RAP1A: variants seen among roughly 807,000 people sequenced by gnomAD.
The protein encoded by RAP1A is ras-related protein Rap-1A.
RAP1A carries 6 observed loss-of-function variants against 26.4 expected under a neutral mutation model. That is an observed-to-expected ratio of 0.23 (90% CI 0.12 to 0.45). The LOEUF (loss-of-function observed/expected upper bound fraction) is 0.45, where lower values mean the gene tolerates loss of function less well. RAP1A is among the 20% of genes least tolerant of loss of function. RAP1A has a pLI of 0.99. For synonymous variants in RAP1A, 73 were observed against 79.4 expected, an observed-to-expected ratio of 0.92 and a Z score of 0.43; for missense variants, 121 against 217.2, an observed-to-expected ratio of 0.56 and a Z score of 2.78.
intron 1 of RAP1A, 117 bp from the exon 2 acceptor site, chr1:111,691,217 C>A: frequency 1.9e-6 from 1 of 526,028 alleles, no homozygotes; most frequent in Non-Finnish European, 3.2e-6. Context: ...TTCTGTTGTC[C>A]CTTTGATAGT....
At chr1:111,566,960 TGCAAATGAGGG>T (rs1315195201) in intron 1 of RAP1A, among the ~76,000 whole-genome samples, 2 of 151,810 alleles carry the variant, frequency 1.3e-5, no homozygotes, top group African/African-American at 4.8e-5. Flanking sequence ...TAGGTTCTCA[TGCAAATGAGGG>T]GCCCTGACAC....
intron 1 of RAP1A, among the ~76,000 whole-genome samples, chr1:111,567,628 G>A (rs1284474363): frequency 6.6e-6 from 1 of 152,348 alleles, no homozygotes; most frequent in African/African-American, 2.4e-5. Flanking sequence ...GTAGGACCCT[G>A]AGCTGATAGT....
At chr1:111,621,615 A>G (rs114207054) in intron 1 of RAP1A, among the ~76,000 whole-genome samples, 447 of 152,320 alleles carry the variant, frequency 2.9e-3, no homozygotes, top group African/African-American at 0.01. Context: ...GAGGTACCCT[A>G]TATTAGGATA....
At chr1:111,676,286 G>A (rs959993553) in intron 1 of RAP1A, among the ~76,000 whole-genome samples, 2 of 152,132 alleles carry the variant, frequency 1.3e-5, no homozygotes, top group Admixed American at 1.3e-4. Context: ...AACCTGGGAG[G>A]CAGAGGTTGC....
intron 1 of RAP1A, among the ~76,000 whole-genome samples, chr1:111,630,385 T>C (rs1439029857): frequency 6.6e-6 from 1 of 152,174 alleles, no homozygotes; most frequent in African/African-American, 2.4e-5. Flanking sequence ...CATGTATTTA[T>C]TGAGTGATTA....
intron 1 of RAP1A, among the ~76,000 whole-genome samples, chr1:111,655,371 A>G (rs58764242): frequency 2.6e-5 from 4 of 152,116 alleles, no homozygotes; most frequent in Non-Finnish European, 5.9e-5. Flanking sequence ...TTCTTAATAA[A>G]TAGAACAGAC....
At chr1:111,635,565 G>GTGTTT (rs1659702681) in intron 1 of RAP1A, among the ~76,000 whole-genome samples, 1 of 151,668 alleles carries the variant, frequency 6.6e-6, no homozygotes. Context: ...TGTTTTCTTT[G>GTGTTT]TGTTTTGTTT....
chr1:111,559,767 T>C (rs939782177), intron 1 of RAP1A, among the ~76,000 whole-genome samples: 12 of 152,236 alleles, frequency 7.9e-5, no homozygotes, highest in Non-Finnish European at 1.8e-4. Context: ...CTTCCTTCAA[T>C]TGGCTAAAAG....
chr1:111,611,494 A>G (rs1229715105), intron 1 of RAP1A, among the ~76,000 whole-genome samples: 2 of 152,260 alleles, frequency 1.3e-5, no homozygotes, highest in Non-Finnish European at 2.9e-5. Flanking sequence ...AATTTAAAAA[A>G]AGTAATTTGC....
chr1:111,571,258 T>C (rs1360017054), intron 1 of RAP1A, among the ~76,000 whole-genome samples: 1 of 152,208 alleles, frequency 6.6e-6, no homozygotes. Flanking sequence ...ACGCAAAGTT[T>C]CCACACTCTG....
chr1:111,652,488 T>G (rs1660305396), intron 1 of RAP1A, among the ~76,000 whole-genome samples: 1 of 152,162 alleles, frequency 6.6e-6, no homozygotes, highest in African/African-American at 2.4e-5. Flanking sequence ...AGAGTTTTTT[T>G]TTTTTAAATA....
intron 2 of RAP1A, among the ~76,000 whole-genome samples, chr1:111,694,434 C>T (rs1048210505): frequency 2.6e-5 from 4 of 152,066 alleles, no homozygotes; most frequent in Middle Eastern, 3.4e-3. Flanking sequence ...CACATTCTTA[C>T]CCTTGCTTTT....
chr1:111,698,741 A>G (rs1661918748), intron 4 of RAP1A, among the ~76,000 whole-genome samples: 1 of 152,034 alleles, frequency 6.6e-6, no homozygotes, highest in South Asian at 2.1e-4. Context: ...CTTTTTTGGG[A>G]AAATGGCTTA....
At chr1:111,650,670 A>G (rs1258969862) in intron 1 of RAP1A, 1 of 152,236 alleles carries the variant, frequency 6.6e-6, no homozygotes, top group Non-Finnish European at 1.5e-5. Context: ...CATATGTTAC[A>G]GCTGATGAAT....
intron 1 of RAP1A, among the ~76,000 whole-genome samples, chr1:111,683,274 C>A (rs1571557513): frequency 6.6e-6 from 1 of 151,884 alleles, no homozygotes; most frequent in African/African-American, 2.4e-5. Flanking sequence ...GAAGCAAGAG[C>A]AAACAAATTC....
intron 1 of RAP1A, among the ~76,000 whole-genome samples, chr1:111,558,105 A>C (rs1351639143): frequency 6.6e-6 from 1 of 152,192 alleles, no homozygotes; most frequent in Non-Finnish European, 1.5e-5. Flanking sequence ...TAGATAATAG[A>C]AATTAATTTA....
At chr1:111,543,254 C>T (rs1459248653) in intron 1 of RAP1A, among the ~76,000 whole-genome samples, 2 of 151,950 alleles carry the variant, frequency 1.3e-5, no homozygotes, top group Non-Finnish European at 2.9e-5. Flanking sequence ...GGTGTGTATG[C>T]GTGTTTCTGT....
At chr1:111,635,405 C>T (rs940330229) in intron 1 of RAP1A, among the ~76,000 whole-genome samples, 2 of 152,158 alleles carry the variant, frequency 1.3e-5, no homozygotes, top group Non-Finnish European at 2.9e-5. Context: ...CATGTAGTGC[C>T]TACCAGTTTT....
chr1:111,709,549 C>T (rs185161678), intron 7 of RAP1A, among the ~76,000 whole-genome samples: 37 of 152,220 alleles, frequency 2.4e-4, no homozygotes, highest in Non-Finnish European at 2.1e-4. Context: ...ATGAATAGAA[C>T]GCCTTCCTAG....
Sources: allele counts gnomAD v4.1 joint callset (sites outside exome capture counted in the v4.1 genomes callset), GRCh38; gene constraint gnomAD v4.1.1; transcripts MANE v1.5; gene names NCBI Gene and HGNC (gene_info 2026-07-23, HGNC 2026-07-21).